The following RAB38 variants were observed in gnomAD, a reference collection of about 807,000 sequenced individuals.
The protein encoded by RAB38 is ras-related protein Rab-38.
A neutral mutation model predicts 18.4 loss-of-function variants in RAB38; 15 were observed. The ratio of observed to expected loss-of-function variants is 0.82; its 90% CI spans 0.55 to 1.26. RAB38 has a LOEUF of 1.26. Ranked by LOEUF, RAB38 falls within the 50% of genes most tolerant of loss-of-function variation. The probability of loss-of-function intolerance (pLI) is 0.00; values close to 1 mark genes in which losing one functional copy is unlikely to be tolerated. For missense variants in RAB38, 294 were observed against 267.4 expected, an observed-to-expected ratio of 1.10 and a Z score of -0.69; for synonymous variants, 101 against 104.4, an observed-to-expected ratio of 0.97 and a Z score of 0.20.
chr11:87,845,422 T>C, the RAB38 span, among the ~76,000 whole-genome samples: 1 of 152,106 alleles, frequency 6.6e-6, no homozygotes, highest in African/African-American at 2.4e-5. Flanking sequence ...TAAATTACAA[T>C]TTTAGAACTG....
At chr11:87,893,390 A>ATATATTT in the RAB38 span, among the ~76,000 whole-genome samples, 1 of 93,916 alleles carries the variant, frequency 1.1e-5, no homozygotes, top group East Asian at 3.3e-4. Context: ...ATATATATAT[A>ATATATTT]TTTTTTTTTT....
the RAB38 span, among the ~76,000 whole-genome samples, chr11:87,862,560 C>T: frequency 6.6e-6 from 1 of 151,586 alleles, no homozygotes; most frequent in Non-Finnish European, 1.5e-5. Context: ...CTAATAGGTA[C>T]TGGGCTTAAT....
the RAB38 span, among the ~76,000 whole-genome samples, chr11:88,099,823 A>G: frequency 9.9e-5 from 15 of 151,782 alleles, no homozygotes; most frequent in Non-Finnish European, 2.2e-4. Context: ...TCGCTTGGTG[A>G]TATTTAAATT....
At chr11:88,137,904 G>T (rs1027075329) in intron 2 of RAB38, among the ~76,000 whole-genome samples, 1 of 152,184 alleles carries the variant, frequency 6.6e-6, no homozygotes, top group Non-Finnish European at 1.5e-5. Flanking sequence ...ATGCCTTAAA[G>T]TTAAAAGGGG....
At chr11:87,924,296 C>A in the RAB38 span, among the ~76,000 whole-genome samples, 5 of 152,066 alleles carry the variant, frequency 3.3e-5, no homozygotes, top group South Asian at 2.1e-4. Flanking sequence ...GTCACACTGA[C>A]CTTCACCTGC....
the RAB38 span, among the ~76,000 whole-genome samples, chr11:88,058,706 C>T: frequency 2.0e-5 from 3 of 152,126 alleles, no homozygotes; most frequent in Non-Finnish European, 4.4e-5. Flanking sequence ...AGTAAAGATG[C>T]TCTTGTAGGC....
chr11:88,108,628 T>C (rs569371807), downstream of RAB38, among the ~76,000 whole-genome samples: 9 of 152,352 alleles, frequency 5.9e-5, no homozygotes, highest in East Asian at 1.7e-3. Context: ...AATTGGGGCA[T>C]GTAGCCCATT....
downstream of RAB38, among the ~76,000 whole-genome samples, chr11:88,112,493 C>G (rs554102007): frequency 6.6e-6 from 1 of 152,204 alleles, no homozygotes; most frequent in African/African-American, 2.4e-5. Flanking sequence ...ATCTCATCCT[C>G]TATCTCAGGA....
At chr11:87,952,974 TTTAAACATAAAAC>T in the RAB38 span, among the ~76,000 whole-genome samples, 1 of 152,116 alleles carries the variant, frequency 6.6e-6, no homozygotes, top group East Asian at 1.9e-4. Flanking sequence ...TTTTAAAACA[TTTAAACATAAAAC>T]ATTTAAAACA....
chr11:87,842,814 GCGCACACACACACA>G, the RAB38 span, among the ~76,000 whole-genome samples: 6 of 76,196 alleles, frequency 7.9e-5, no homozygotes, highest in East Asian at 3.1e-4. Context: ...ACACACGCGC[GCGCACACACACACA>G]CACACACACA....
chr11:87,848,762 C>T, the RAB38 span, among the ~76,000 whole-genome samples: 15 of 151,994 alleles, frequency 9.9e-5, no homozygotes, highest in Non-Finnish European at 1.8e-4. Context: ...CAGGTCCACA[C>T]CTGAAAATTT....
the RAB38 span, among the ~76,000 whole-genome samples, chr11:87,851,951 T>C: frequency 1.1e-4 from 16 of 152,164 alleles, no homozygotes; most frequent in Admixed American, 1.0e-3. Context: ...GACAGGAAAC[T>C]TCATAAGGAA....
chr11:87,964,567 G>A, the RAB38 span, among the ~76,000 whole-genome samples: 1 of 152,088 alleles, frequency 6.6e-6, no homozygotes. Flanking sequence ...ATTGTAAATA[G>A]GTATAAATAG....
At chr11:87,861,276 G>T in the RAB38 span, among the ~76,000 whole-genome samples, 1 of 151,888 alleles carries the variant, frequency 6.6e-6, no homozygotes, top group Non-Finnish European at 1.5e-5. Flanking sequence ...ACACAGTTCC[G>T]ACTGAAAAAT....
chr11:88,164,937 G>T (rs7112906), intron 1 of RAB38, among the ~76,000 whole-genome samples: 37,808 of 151,674 alleles, frequency 0.25, 4,741 homozygotes, highest in Admixed American at 0.27. Context: ...GCTTTAATTT[G>T]TAAACTAGAG....
the RAB38 span, among the ~76,000 whole-genome samples, chr11:87,946,346 CTT>C: frequency 9.2e-5 from 14 of 152,088 alleles, no homozygotes; most frequent in Non-Finnish European, 1.5e-4. Context: ...GGAATTCAGT[CTT>C]TGATTTGAAA....
chr11:87,832,517 T>C, the RAB38 span, among the ~76,000 whole-genome samples: 1 of 152,128 alleles, frequency 6.6e-6, no homozygotes, highest in Non-Finnish European at 1.5e-5. Context: ...ATCTAGTTCC[T>C]TGTAGTTGTG....
chr11:88,038,212 G>C, the RAB38 span, among the ~76,000 whole-genome samples: 1 of 152,094 alleles, frequency 6.6e-6, no homozygotes, highest in African/African-American at 2.4e-5. Context: ...CCAGCAGAAA[G>C]AATCCTGAGC....
At chr11:87,873,922 G>GTGTATATATATATA in the RAB38 span, among the ~76,000 whole-genome samples, 43 of 103,100 alleles carry the variant, frequency 4.2e-4, no homozygotes, top group African/African-American at 1.3e-3. Flanking sequence ...GTGTGTGTGT[G>GTGTATATATATATA]TATATATATA....
Sources: allele counts gnomAD v4.1 joint callset (sites outside exome capture counted in the v4.1 genomes callset), GRCh38; gene constraint gnomAD v4.1.1; transcripts MANE v1.5; gene names NCBI Gene and HGNC (gene_info 2026-07-23, HGNC 2026-07-21).